KATNIP: variants seen among roughly 807,000 people sequenced by gnomAD.
The protein encoded by KATNIP is katanin interacting protein.
In KATNIP, 126 loss-of-function variants were observed where a neutral mutation model predicts 174.0. The observed-to-expected ratio is 0.72, with a 90% CI of 0.63 to 0.84. KATNIP has a LOEUF of 0.84. Among genes scored for constraint, KATNIP ranks in the 40% least tolerant of loss-of-function variants. The pLI is 0.00. For missense variants in KATNIP, 1,958 were observed against 2,109.7 expected, an observed-to-expected ratio of 0.93 and a Z score of 1.41; for synonymous variants, 810 against 835.7, an observed-to-expected ratio of 0.97 and a Z score of 0.53.
intron 8 of KATNIP, among the ~76,000 whole-genome samples, chr16:27,693,055 AT>A (rs2078790681): frequency 6.6e-6 from 1 of 151,812 alleles, no homozygotes; most frequent in African/African-American, 2.4e-5. Flanking sequence ...TCAGGACCTG[AT>A]CCTTTTTGCA....
intron 13 of KATNIP, among the ~76,000 whole-genome samples, chr16:27,720,247 C>T (rs987323948): frequency 3.3e-5 from 5 of 152,028 alleles, no homozygotes; most frequent in Non-Finnish European, 7.4e-5. Context: ...TGCACCACCA[C>T]GCCCAGCTAA....
chr16:27,607,719 TC>T, intron 2 of KATNIP, among the ~76,000 whole-genome samples: 1 of 149,984 alleles, frequency 6.7e-6, no homozygotes, highest in Non-Finnish European at 1.5e-5. Flanking sequence ...TGCCTCAGCC[TC>T]CTGAATAGAT....
intron 2 of KATNIP, among the ~76,000 whole-genome samples, chr16:27,589,424 G>A (rs966190962): frequency 2.6e-5 from 4 of 152,218 alleles, no homozygotes; most frequent in African/African-American, 9.7e-5. Flanking sequence ...GAGCATGGCT[G>A]TGTTCCAGTA....
At chr16:27,651,735 T>C (rs1026458172) in intron 6 of KATNIP, among the ~76,000 whole-genome samples, 6 of 152,360 alleles carry the variant, frequency 3.9e-5, no homozygotes, top group Middle Eastern at 3.4e-3. Context: ...TTTATTTATT[T>C]TGAGACGTTG....
intron 18 of KATNIP, among the ~76,000 whole-genome samples, chr16:27,757,754 C>G (rs951887211): frequency 1.3e-5 from 2 of 152,218 alleles, no homozygotes; most frequent in African/African-American, 4.8e-5. Context: ...ATTCAAAATC[C>G]TCAACCTGCT....
chr16:27,690,364 G>GATAGATAGATA (rs1567304136), intron 8 of KATNIP, among the ~76,000 whole-genome samples: 12 of 44,210 alleles, frequency 2.7e-4, no homozygotes, highest in Middle Eastern at 9.6e-3. Context: ...ATAGATAGAT[G>GATAGATAGATA]ATAGATAGAT....
At chr16:27,574,287 G>A (rs1435533420) in intron 2 of KATNIP, 2 of 326,000 alleles carry the variant, frequency 6.1e-6, no homozygotes, top group African/African-American at 2.1e-5. Flanking sequence ...TATCTGGGCA[G>A]TTCTGCTGTT....
At chr16:27,607,547 G>A (rs944745037) in intron 2 of KATNIP, among the ~76,000 whole-genome samples, 5 of 150,824 alleles carry the variant, frequency 3.3e-5, no homozygotes, top group South Asian at 2.1e-4. Flanking sequence ...GGGGAATCAA[G>A]TGACTTGGGG....
At chr16:27,600,353 A>G (rs1055919276) in intron 2 of KATNIP, among the ~76,000 whole-genome samples, 1 of 152,188 alleles carries the variant, frequency 6.6e-6, no homozygotes, top group African/African-American at 2.4e-5. Context: ...GAGTTAATCC[A>G]GTTTGAGGCC....
intron 21 of KATNIP, among the ~76,000 whole-genome samples, chr16:27,770,300 A>G (rs564116828): frequency 9.2e-4 from 140 of 152,318 alleles, no homozygotes; most frequent in African/African-American, 3.3e-3. Flanking sequence ...GCCTGCCTCC[A>G]TTCCAGAAAT....
chr16:27,774,636 A>G (rs2082427639), intron 23 of KATNIP, among the ~76,000 whole-genome samples: 1 of 152,052 alleles, frequency 6.6e-6, no homozygotes, highest in Non-Finnish European at 1.5e-5. Context: ...CCACCCTCTC[A>G]AGCAGCAGCA....
chr16:27,596,425 G>T (rs2075338537), intron 2 of KATNIP, among the ~76,000 whole-genome samples: 1 of 152,180 alleles, frequency 6.6e-6, no homozygotes, highest in African/African-American at 2.4e-5. Flanking sequence ...GGAACATCAG[G>T]AATTCAGCTT....
Position 27,666,694 on chromosome 16 carries a change from G to A in KATNIP, c.541-11035G>A, listed in dbSNP as rs147571677. On this transcript the variant is annotated intron_variant, in intron 6 of 27. Coordinates refer to ENST00000261588, the MANE Select transcript of KATNIP (RefSeq NM_015202.5). ...CAAAGTGTTGGGATTACAGGTGTGA[G>A]CCACCATGCCCAGCCGGTCGGGAAT... Among the ~76,000 whole-genome samples the A allele has an allele frequency of 6.7e-3, 1,012 of 152,118 alleles. 16 individuals carry two copies. Among genetic ancestry groups the A allele is most frequent in the African/African-American group, 0.023 (971 of 41,502 alleles).
At chr16:27,625,835 C>A (rs989700911) in intron 3 of KATNIP, among the ~76,000 whole-genome samples, 3 of 151,472 alleles carry the variant, frequency 2.0e-5, no homozygotes, top group South Asian at 4.2e-4. Context: ...CATTTCATTT[C>A]TTTTCTTTTT....
At chr16:27,550,462 T>C (rs2089302236) in intron 1 of KATNIP, among the ~76,000 whole-genome samples, 1 of 151,710 alleles carries the variant, frequency 6.6e-6, no homozygotes, top group African/African-American at 2.4e-5. Context: ...GAAGTAGAGG[T>C]CTGAGGAGGG....
Position 27,641,575 on chromosome 16 carries a change from C to T in KATNIP, c.409-7029C>T, listed in dbSNP as rs533001397. On this transcript the variant is annotated intron_variant, in intron 5 of 27. Coordinates refer to ENST00000261588, the MANE Select transcript of KATNIP (RefSeq NM_015202.5). ...AAGACACCATCTCAAAAAGCGAAAA[C>T]AGGGTGCTTTTACCAAACACAGGGG... Among the ~76,000 whole-genome samples, 9 of 152,312 alleles carry T rather than the reference C, an allele frequency of 5.9e-5. No individual in the cohort carries two copies. The East Asian group carries it at 1.7e-3, about 29-fold the overall frequency.
chr16:27,674,870 A>C (rs2078055934), intron 6 of KATNIP, among the ~76,000 whole-genome samples: 4 of 152,190 alleles, frequency 2.6e-5, no homozygotes. Flanking sequence ...TTACCGTAAC[A>C]ACTCAAGTCC....
chr16:27,657,161 T>C (rs1419038863), intron 6 of KATNIP, among the ~76,000 whole-genome samples: 1 of 152,120 alleles, frequency 6.6e-6, no homozygotes, highest in East Asian at 1.9e-4. Flanking sequence ...AGACACATGC[T>C]GAAGTGTGCA....
chr16:27,602,687 T>G (rs145597741), intron 2 of KATNIP, among the ~76,000 whole-genome samples: 137 of 152,206 alleles, frequency 9.0e-4, no homozygotes, highest in African/African-American at 3.2e-3. Context: ...CTAGAGTTTT[T>G]GGGTTTTCCT....
Sources: gnomAD v4.1 joint callset for allele counts (sites outside exome capture counted in the v4.1 genomes callset) on GRCh38, gnomAD v4.1.1 for gene constraint, MANE v1.5 for transcripts, NCBI Gene and HGNC (gene_info 2026-07-23, HGNC 2026-07-21) for gene names.